Variants in PAFAH1B1 observed in about 807,000 individuals in gnomAD.
The protein encoded by PAFAH1B1 is platelet activating factor acetylhydrolase 1b regulatory subunit 1, also known as platelet-activating factor acetylhydrolase IB subunit beta.
In PAFAH1B1, 2 loss-of-function variants were observed where a neutral mutation model predicts 57.5. That is an observed-to-expected ratio of 0.03 (90% confidence interval 0.01 to 0.11). The LOEUF is 0.11. PAFAH1B1 is among the 10% of genes least tolerant of loss of function. The pLI is 1.00. For synonymous variants in PAFAH1B1, 152 were observed against 169.6 expected, an observed-to-expected ratio of 0.90 and a Z score of 0.81; for missense variants, 257 against 512.0, an observed-to-expected ratio of 0.50 and a Z score of 4.81.
chr17:2,670,075 A>C, intron 5 of PAFAH1B1, 88 bp from the exon 6 acceptor site: 1 of 1,007,486 alleles, frequency 9.9e-7, no homozygotes. Context: ...TTACTCAGTA[A>C]GGTGCCAGAC....
chr17:2,659,484 G>A, intron 2 of PAFAH1B1: 1 of 194,628 alleles, frequency 5.1e-6, no homozygotes. Context: ...TTGTGCCACT[G>A]CATTCCAGCC....
At chr17:2,675,223 A>C (rs2069244397) in intron 8 of PAFAH1B1, among the ~76,000 whole-genome samples, 1 of 152,068 alleles carries the variant, frequency 6.6e-6, no homozygotes, top group South Asian at 2.1e-4. Flanking sequence ...GGCTGCTCTC[A>C]AACTCATGGC....
At position 2,615,731 on chromosome 17, in the gene PAFAH1B1, G is replaced by A. The variant is rs376110795; in HGVS notation, c.-191+21725G>A. The stretch of plus-strand genomic sequence containing the variant: ...TGGGATTACAGGCGTGAGCCACCGC[G>A]CCCAGCCTGAAACTTTCTCTTTTTA... On this transcript the variant is annotated intron_variant, in intron 1 of 10. Transcript: ENST00000397195. 1.0e-3 allele frequency among the ~76,000 whole-genome samples: 154 copies of A among 152,292 alleles called. 2 individuals are homozygous for A. Among genetic ancestry groups the A allele is most frequent in the African/African-American group, 3.4e-3 (143 of 41,570 alleles).
chr17:2,676,310 G>T (rs538513924), intron 8 of PAFAH1B1, 195 bp from the exon 9 acceptor site: 2 of 525,464 alleles, frequency 3.8e-6, no homozygotes, highest in Admixed American at 3.0e-5. Flanking sequence ...CCCGGGAGGC[G>T]GAGGTTGCAG....
intron 1 of PAFAH1B1, among the ~76,000 whole-genome samples, chr17:2,628,401 C>G (rs1326831457): frequency 1.3e-5 from 2 of 152,128 alleles, no homozygotes; most frequent in Admixed American, 6.6e-5. Context: ...TAAACCATCC[C>G]TGCATCCCTA....
intron 1 of PAFAH1B1, chr17:2,635,338 G>T (rs1046684159): frequency 6.6e-6 from 1 of 152,050 alleles, no homozygotes; most frequent in African/African-American, 2.4e-5. Context: ...TAATCCTACT[G>T]TGCCAGTACT....
rs1252780504 is a variant in PAFAH1B1 at position 2,683,248 on chromosome 17, A to G, written c.*1446A>G. 6.6e-6 allele frequency: 1 copy of G among 152,228 alleles called. No homozygotes were observed. Among genetic ancestry groups the G allele is most frequent in the Non-Finnish European group, 1.5e-5 (1 of 68,042 alleles). 9.4% of individuals were successfully genotyped at this position (152,228 alleles called of 1,614,324 possible). On this transcript the variant is annotated 3_prime_UTR_variant, in exon 11 of 11. Coordinates refer to ENST00000397195, the MANE Select transcript of PAFAH1B1 (RefSeq NM_000430.4). ...GAGAATTTTTAGCCATGACTTTTGG[A>G]GCACTATTCCATTGTCAGTTATTAA...
At chr17:2,655,923 G>C (rs139930511) in intron 2 of PAFAH1B1, among the ~76,000 whole-genome samples, 1 of 151,868 alleles carries the variant, frequency 6.6e-6, no homozygotes, top group Non-Finnish European at 1.5e-5. Flanking sequence ...GGTGGTTTTC[G>C]TTTTGTTTTG....
At chr17:2,655,185 G>A (rs1206770556) in intron 2 of PAFAH1B1, among the ~76,000 whole-genome samples, 1 of 57,114 alleles carries the variant, frequency 1.8e-5, no homozygotes, top group Admixed American at 1.7e-4. Flanking sequence ...ATACATATAT[G>A]TGTGTGTGTG....
In PAFAH1B1 at chr17:2,597,009, C is replaced by A. The variant is rs1179698570; in HGVS notation, c.-191+3003C>A. On this transcript the variant is annotated intron_variant, in intron 1 of 10. Transcript: ENST00000397195. ...CCGGGAGGCGGAGGTTGCAGTGAGC[C>A]GAGATCGTGCCACTGTACTCCAGCC... 2.6e-5 allele frequency among the ~76,000 whole-genome samples: 4 copies of A among 152,130 alleles called. No individual in the cohort carries two copies. The East Asian group carries it at 7.7e-4, about 29-fold the overall frequency.
Position 2,600,864 on chromosome 17 carries a change from C to T in PAFAH1B1, c.-191+6858C>T, listed in dbSNP as rs534682355. On this transcript the variant is annotated intron_variant, in intron 1 of 10. Transcript: ENST00000397195. The stretch of plus-strand genomic sequence containing the variant: ...CCTGCTTTAGCCTCCCTAGTAATAG[C>T]TGGAATTACAGGCATGTGCCACCAC... 3.3e-3 allele frequency among the ~76,000 whole-genome samples: 504 copies of T among 151,890 alleles called. 2 individuals are homozygous for T. Among genetic ancestry groups the T allele is most frequent in the African/African-American group, 0.011 (473 of 41,464 alleles).
Position 2,679,531 on chromosome 17 carries a change from TG to T in PAFAH1B1, c.1003-631del, listed in dbSNP as rs1351513451. 4.0e-3 allele frequency among the ~76,000 whole-genome samples: 569 copies of T among 143,496 alleles called. 3 individuals are homozygous for T. The highest frequency in any genetic ancestry group is 0.014 in the African/African-American group (523 of 37,088). 94.1% of individuals were successfully genotyped at this position (143,496 alleles called of 152,430 possible). ...ATGGATGGATGGATGGATGATTGGA[TG>T]GATGGATGGATGGATGGATGATTAG... On this transcript the variant is annotated intron_variant, in intron 9 of 10. Coordinates refer to ENST00000397195, the MANE Select transcript of PAFAH1B1 (RefSeq NM_000430.4).
intron 1 of PAFAH1B1, among the ~76,000 whole-genome samples, chr17:2,599,011 T>G (rs917464702): frequency 2.6e-5 from 4 of 152,222 alleles, no homozygotes; most frequent in African/African-American, 9.7e-5. Context: ...TATTTCTTGT[T>G]TTCTTTTTAA....
rs142629857 is a variant in PAFAH1B1 at position 2,637,784 on chromosome 17, G to C, written c.-190-315G>C. Among the ~76,000 whole-genome samples the C allele has an allele frequency of 5.4e-3, 826 of 152,226 alleles. 6 individuals are homozygous for C. The highest frequency in any genetic ancestry group is 0.016 in the South Asian group (79 of 4,818). On this transcript the variant is annotated intron_variant, in intron 1 of 10. Coordinates refer to ENST00000397195, the MANE Select transcript of PAFAH1B1 (RefSeq NM_000430.4). ...GAAATTTTACTTTTTGTCTCTAAGAGAGAATTACATTCGTTTAGAGTTACA... is the reference window on the plus strand; with the variant it reads ...GAAATTTTACTTTTTGTCTCTAAGACAGAATTACATTCGTTTAGAGTTACA...
chr17:2,593,327 C>T (rs62068214), upstream of PAFAH1B1: 2,552 of 152,462 alleles, frequency 0.017, 33 homozygotes, highest in Non-Finnish European at 0.026. Flanking sequence ...AGCAGGGCAG[C>T]GAGGTGAGCA....
At chr17:2,671,482 C>T (rs1042966495) in intron 6 of PAFAH1B1, among the ~76,000 whole-genome samples, 1 of 151,100 alleles carries the variant, frequency 6.6e-6, no homozygotes, top group Non-Finnish European at 1.5e-5. Context: ...GAATTATAGG[C>T]GTGAGCCACG....
intron 1 of PAFAH1B1, among the ~76,000 whole-genome samples, chr17:2,604,485 C>T (rs2068183259): frequency 6.6e-6 from 1 of 152,092 alleles, no homozygotes; most frequent in Non-Finnish European, 1.5e-5. Flanking sequence ...CTAAAGACAG[C>T]CAAGAGATGA....
In PAFAH1B1 at chr17:2,685,438, C is replaced by T. The variant is rs1243343220; in HGVS notation, c.*3636C>T. ...AGTTCCCCAGATTGTTAAGAGTTCA[C>T]TGAAGATATTGACACAATTTTAAAA... On this transcript the variant is annotated 3_prime_UTR_variant, in exon 11 of 11. Transcript: ENST00000397195. 6.6e-6 allele frequency: 1 copy of T among 152,492 alleles called. No individual in the cohort carries two copies. Among genetic ancestry groups the T allele is most frequent in the African/African-American group, 2.4e-5 (1 of 41,384 alleles). 9.4% of individuals were successfully genotyped at this position (152,492 alleles called of 1,614,324 possible).
chr17:2,623,057 G>A (rs1040286387), intron 1 of PAFAH1B1, among the ~76,000 whole-genome samples: 24 of 152,246 alleles, frequency 1.6e-4, no homozygotes, highest in Admixed American at 2.6e-4. Context: ...ACACAGCATG[G>A]GGACCCTGGG....
Sources: allele counts gnomAD v4.1 joint callset (sites outside exome capture counted in the v4.1 genomes callset), GRCh38; gene constraint gnomAD v4.1.1; transcripts MANE v1.5; gene names NCBI Gene and HGNC (gene_info 2026-07-23, HGNC 2026-07-21).